The following SPMIP7 variants were observed in gnomAD, a reference collection of about 807,000 sequenced individuals.
SPMIP7 encodes protein SPMIP7.
the SPMIP7 span, among the ~76,000 whole-genome samples, chr7:50,132,885 GTA>G: frequency 1.9e-3 from 295 of 152,112 alleles, 2 homozygotes; most frequent in African/African-American, 6.2e-3. Flanking sequence ...TTCTTGTATC[GTA>G]AACACCTAGC....
At chr7:50,119,883 C>T in the SPMIP7 span, among the ~76,000 whole-genome samples, 3 of 152,186 alleles carry the variant, frequency 2.0e-5, no homozygotes, top group African/African-American at 7.2e-5. Context: ...TACTGTTATG[C>T]ATCCTTCCAG....
the SPMIP7 span, among the ~76,000 whole-genome samples, chr7:50,101,798 C>A: frequency 1.3e-5 from 2 of 152,202 alleles, no homozygotes; most frequent in Non-Finnish European, 2.9e-5. Context: ...TTGTCACAGA[C>A]AGAATCATCC....
At chr7:50,126,222 TA>T in the SPMIP7 span, among the ~76,000 whole-genome samples, 3 of 151,628 alleles carry the variant, frequency 2.0e-5, no homozygotes, top group South Asian at 4.1e-4. Flanking sequence ...ATCATCAATA[TA>T]AAAAATTACA....
At chr7:50,146,275 G>C in the SPMIP7 span, among the ~76,000 whole-genome samples, 2 of 152,188 alleles carry the variant, frequency 1.3e-5, no homozygotes, top group South Asian at 4.1e-4. Context: ...GGCATAAAGA[G>C]CCAAGATCAC....
chr7:50,145,033 G>A, the SPMIP7 span, among the ~76,000 whole-genome samples: 9 of 151,868 alleles, frequency 5.9e-5, no homozygotes, highest in East Asian at 1.9e-4. Flanking sequence ...AAGCCGAGGC[G>A]GGTGGATCAC....
chr7:50,116,821 C>T, the SPMIP7 span, among the ~76,000 whole-genome samples: 1 of 152,084 alleles, frequency 6.6e-6, no homozygotes, highest in Non-Finnish European at 1.5e-5. Flanking sequence ...AATTCAATAT[C>T]CTTTTATAGC....
chr7:50,140,286 T>A, the SPMIP7 span: 3 of 601,264 alleles, frequency 5.0e-6, no homozygotes, highest in African/African-American at 5.9e-5. Context: ...ACAACTTATA[T>A]ATTGTAACAC....
At chr7:50,149,880 T>C in the SPMIP7 span, among the ~76,000 whole-genome samples, 1 of 152,258 alleles carries the variant, frequency 6.6e-6, no homozygotes, top group South Asian at 2.1e-4. Flanking sequence ...CCTTCTCGTT[T>C]CCACTTCTCC....
chr7:50,122,019 A>C, the SPMIP7 span, among the ~76,000 whole-genome samples: 1 of 152,204 alleles, frequency 6.6e-6, no homozygotes, highest in African/African-American at 2.4e-5. Flanking sequence ...TTTGGAGGTT[A>C]AATATGAATA....
the SPMIP7 span, chr7:50,120,265 C>T: frequency 1.1e-4 from 17 of 152,196 alleles, no homozygotes; most frequent in African/African-American, 3.4e-4. Context: ...AACGAGGTTC[C>T]TGGATGCTCA....
chr7:50,123,982 T>G, the SPMIP7 span, among the ~76,000 whole-genome samples: 1 of 152,144 alleles, frequency 6.6e-6, no homozygotes, highest in East Asian at 1.9e-4. Context: ...AGCTATATGC[T>G]ATTTACAAGA....
the SPMIP7 span, among the ~76,000 whole-genome samples, chr7:50,145,645 T>C: frequency 9.1e-6 from 1 of 110,302 alleles, no homozygotes; most frequent in Non-Finnish European, 1.9e-5. Flanking sequence ...TATATATATA[T>C]ATATATATAT....
chr7:50,106,554 A>G, the SPMIP7 span, among the ~76,000 whole-genome samples: 2 of 152,228 alleles, frequency 1.3e-5, no homozygotes, highest in African/African-American at 4.8e-5. Context: ...TTTTCTTTGA[A>G]GGAAGATATT....
chr7:50,142,118 C>T, the SPMIP7 span: 2 of 152,016 alleles, frequency 1.3e-5, no homozygotes, highest in African/African-American at 4.8e-5. Context: ...TTCTTCCATA[C>T]ATTCTGCAAG....
chr7:50,112,950 T>C, the SPMIP7 span, among the ~76,000 whole-genome samples: 1 of 117,278 alleles, frequency 8.5e-6, no homozygotes, highest in Admixed American at 9.3e-5. Context: ...CTGATCTATG[T>C]AAACATAAAA....
the SPMIP7 span, among the ~76,000 whole-genome samples, chr7:50,150,112 AAATT>A: frequency 1.3e-5 from 2 of 152,126 alleles, no homozygotes; most frequent in Non-Finnish European, 2.9e-5. Context: ...CAAATTTTGA[AAATT>A]ACTCCTAAGA....
At chr7:50,147,654 T>G in the SPMIP7 span, among the ~76,000 whole-genome samples, 1 of 152,366 alleles carries the variant, frequency 6.6e-6, no homozygotes, top group Middle Eastern at 3.4e-3. Flanking sequence ...CTCTCATATT[T>G]AACTTATATA....
At chr7:50,109,728 A>G in the SPMIP7 span, among the ~76,000 whole-genome samples, 1 of 152,188 alleles carries the variant, frequency 6.6e-6, no homozygotes, top group Non-Finnish European at 1.5e-5. Flanking sequence ...AAAATCAAAG[A>G]GATTATATAT....
chr7:50,100,371 A>G, the SPMIP7 span, among the ~76,000 whole-genome samples: 1 of 152,196 alleles, frequency 6.6e-6, no homozygotes, highest in East Asian at 1.9e-4. Context: ...AAGGTGCAGG[A>G]GCCTTTCACT....
Sources: gnomAD v4.1 joint callset for allele counts (sites outside exome capture counted in the v4.1 genomes callset) on GRCh38, gnomAD v4.1.1 for gene constraint, MANE v1.5 for transcripts, NCBI Gene and HGNC (gene_info 2026-07-23, HGNC 2026-07-21) for gene names.